Variants in ZBTB8A observed in about 807,000 individuals in gnomAD.
ZBTB8A encodes zinc finger and BTB domain-containing protein 8A.
In ZBTB8A, 19 loss-of-function variants were observed where a neutral mutation model predicts 37.8. The observed-to-expected ratio is 0.50, with a 90% CI of 0.35 to 0.74. ZBTB8A has a LOEUF of 0.74. Among genes scored for constraint, ZBTB8A ranks in the 30% least tolerant of loss-of-function variants. The pLI is 0.01. For synonymous variants in ZBTB8A, 181 were observed against 185.2 expected (o/e 0.98, Z 0.19); for missense variants, 394 against 537.8 (o/e 0.73, Z 2.65).
chr1:32,591,387 A>G (rs1485606652), intron 2 of ZBTB8A, among the ~76,000 whole-genome samples: 1 of 150,760 alleles, frequency 6.6e-6, no homozygotes. Context: ...ATTAAAATAT[A>G]TATATATATT....
At chr1:32,544,533 C>A (rs895389585) in intron 1 of ZBTB8A, among the ~76,000 whole-genome samples, 1 of 152,212 alleles carries the variant, frequency 6.6e-6, no homozygotes, top group Non-Finnish European at 1.5e-5. Flanking sequence ...CCCGTCTCCA[C>A]TAAAAGTACA....
At chr1:32,558,137 G>A (rs1644216843) in intron 2 of ZBTB8A, among the ~76,000 whole-genome samples, 1 of 152,106 alleles carries the variant, frequency 6.6e-6, no homozygotes, top group Non-Finnish European at 1.5e-5. Flanking sequence ...GACAGAGGAT[G>A]GGGGAAAAGG....
At chr1:32,552,736 C>T (rs997032631) in intron 1 of ZBTB8A, among the ~76,000 whole-genome samples, 1 of 151,464 alleles carries the variant, frequency 6.6e-6, no homozygotes, top group African/African-American at 2.4e-5. Flanking sequence ...TATTGGAAAT[C>T]TCTTATAAAC....
rs150671705 is a variant in ZBTB8A, at chr1:32,573,321, G to A, written c.-1-19610G>A. 9.4e-3 allele frequency among the ~76,000 whole-genome samples: 1,394 copies of A among 148,422 alleles called. 22 individuals are homozygous for A. The highest frequency in any genetic ancestry group is 0.032 in the African/African-American group (1,291 of 40,278). On this transcript the variant is annotated intron_variant, in intron 2 of 4. Transcript: ENST00000373510. ...GAACTCCTGACCTCGTGATCTGCCC[G>A]CCTCGGCCTCCCAAAGTGCTGTGAT... is the stretch of plus-strand genomic sequence containing the variant.
Position 32,594,913 on chromosome 1 carries a change from C to T in ZBTB8A, c.824-141C>T, listed in dbSNP as rs948520574. Reference sequence around the variant, plus strand: ...GTCTCTTACTTTTTGGGCTAACCAACTCCTTGTGAATTCTTTTTATTTCTT... The same window carrying T: ...GTCTCTTACTTTTTGGGCTAACCAATTCCTTGTGAATTCTTTTTATTTCTT... On this transcript the variant is annotated intron_variant, in intron 3 of 4. Coordinates refer to ENST00000373510, the MANE Select transcript of ZBTB8A (RefSeq NM_001040441.3). 10 of 894,388 alleles carry T rather than the reference C, an allele frequency of 1.1e-5. No homozygotes were observed. The South Asian group carries it at 1.4e-4, about 12-fold the overall frequency. The allele number at this position is 894,388 out of a possible 1,614,324, so 55.4% of individuals were successfully genotyped here.
intron 1 of ZBTB8A, among the ~76,000 whole-genome samples, chr1:32,539,929 C>G (rs1644038287): frequency 6.6e-6 from 1 of 150,650 alleles, no homozygotes; most frequent in Admixed American, 6.6e-5. Flanking sequence ...GGGGCTCGGG[C>G]TGCGCGGAGC....
chr1:32,566,553 TAAA>T (rs1452230878), intron 2 of ZBTB8A, among the ~76,000 whole-genome samples: 1 of 152,048 alleles, frequency 6.6e-6, no homozygotes, highest in Admixed American at 6.6e-5. Context: ...TACATAATAA[TAAA>T]AACAAAATAA....
chr1:32,585,539 G>A (rs1210825146), intron 2 of ZBTB8A, among the ~76,000 whole-genome samples: 1 of 152,000 alleles, frequency 6.6e-6, no homozygotes, highest in African/African-American at 2.4e-5. Flanking sequence ...TTGAAGAGTA[G>A]GAAAGACCTG....
intron 2 of ZBTB8A, among the ~76,000 whole-genome samples, chr1:32,580,342 G>C (rs1644393838): frequency 6.6e-6 from 1 of 152,086 alleles, no homozygotes; most frequent in South Asian, 2.1e-4. Flanking sequence ...CAGATCACTT[G>C]AGTTCAGGAG....
intron 2 of ZBTB8A, among the ~76,000 whole-genome samples, chr1:32,564,633 A>G (rs1644265918): frequency 6.6e-6 from 1 of 152,168 alleles, no homozygotes; most frequent in Non-Finnish European, 1.5e-5. Flanking sequence ...CCAAATAATT[A>G]AGCACACATG....
chr1:32,553,888 A>G (rs1644177696), intron 2 of ZBTB8A, among the ~76,000 whole-genome samples: 1 of 61,094 alleles, frequency 1.6e-5, no homozygotes, highest in African/African-American at 4.8e-5. Flanking sequence ...CTCTGTCTCA[A>G]AAAAAAAAAA....
intron 2 of ZBTB8A, among the ~76,000 whole-genome samples, chr1:32,587,226 C>T (rs891168223): frequency 2.6e-5 from 4 of 151,898 alleles, no homozygotes; most frequent in Non-Finnish European, 5.9e-5. Context: ...GCAACAAGAG[C>T]GAAACTCCAT....
rs2148256262 is a variant in ZBTB8A, at chr1:32,600,369, G to A, written c.1276G>A (p.Asp426Asn). Reference protein sequence around the residue: ...GSADLVIQQVDDSEEEEEKEI... With the variant: ...GSADLVIQQVNDSEEEEEKEI... ...TGCTGATCTGGTCATCCAACAGGTTGATGATAGTGAAGAAGAAGAAGAAAA... is the reference window on the plus strand; with the variant it reads ...TGCTGATCTGGTCATCCAACAGGTTAATGATAGTGAAGAAGAAGAAGAAAA... The change falls in exon 5 of 5, where the codon GAT (aspartate) becomes AAT (asparagine). Residue 426 changes from aspartate to asparagine, a missense_variant. Physicochemically the swap from Asp to Asn is conservative, Grantham distance 23. This residue lies in a region of ZBTB8A where 85 missense variants were observed against 89.0 expected (regional missense o/e 0.95). Coordinates refer to ENST00000373510, the MANE Select transcript of ZBTB8A (RefSeq NM_001040441.3). 6.2e-7 allele frequency: 1 copy of A among 1,613,836 alleles called. No homozygotes were observed. The highest frequency in any genetic ancestry group is 8.5e-7 in the Non-Finnish European group (1 of 1,179,868).
intron 2 of ZBTB8A, among the ~76,000 whole-genome samples, chr1:32,580,156 G>T (rs1448217973): frequency 1.2e-4 from 18 of 152,088 alleles, no homozygotes; most frequent in Admixed American, 1.1e-3. Flanking sequence ...ACTTGAGCCT[G>T]GGTGGTGGAC....
chr1:32,581,938 G>T (rs1445839938), intron 2 of ZBTB8A, among the ~76,000 whole-genome samples: 1 of 152,094 alleles, frequency 6.6e-6, no homozygotes, highest in Non-Finnish European at 1.5e-5. Context: ...GGGCGGAGCT[G>T]CTCCTATCAT....
chr1:32,552,522 C>T (rs1217153777), intron 1 of ZBTB8A, among the ~76,000 whole-genome samples: 5 of 152,130 alleles, frequency 3.3e-5, no homozygotes, highest in African/African-American at 1.2e-4. Flanking sequence ...AAATATTAGC[C>T]AGGCGTGATG....
chr1:32,547,299 T>A (rs554378826), intron 1 of ZBTB8A, among the ~76,000 whole-genome samples: 1 of 152,136 alleles, frequency 6.6e-6, no homozygotes, highest in Non-Finnish European at 1.5e-5. Flanking sequence ...CATGACTTTT[T>A]AAATATATAC....
chr1:32,599,302 G>A (rs1245276277), intron 4 of ZBTB8A, among the ~76,000 whole-genome samples: 1 of 151,280 alleles, frequency 6.6e-6, no homozygotes, highest in Non-Finnish European at 1.5e-5. Context: ...GCATGCACCT[G>A]TAGTCCCAGC....
intron 1 of ZBTB8A, among the ~76,000 whole-genome samples, chr1:32,544,118 G>A (rs529970741): frequency 3.3e-5 from 5 of 152,306 alleles, no homozygotes; most frequent in African/African-American, 9.6e-5. Flanking sequence ...ACAGGCTCAC[G>A]CCACCGTTCC....
Sources: allele counts gnomAD v4.1 joint callset (sites outside exome capture counted in the v4.1 genomes callset), GRCh38; gene constraint gnomAD v4.1.1; regional missense constraint gnomAD v4.1.1; transcripts MANE v1.5; gene names NCBI Gene and HGNC (gene_info 2026-07-23, HGNC 2026-07-21).